Variants in PHACTR1 observed in about 807,000 individuals in gnomAD.
PHACTR1 encodes the protein phosphatase and actin regulator 1.
A neutral mutation model predicts 69.2 loss-of-function variants in PHACTR1; 16 were observed. The ratio of observed to expected loss-of-function variants is 0.23; its 90% CI spans 0.16 to 0.35. PHACTR1 has a LOEUF of 0.35. Among genes scored for constraint, PHACTR1 ranks in the 10% least tolerant of loss-of-function variants. The pLI is 1.00. For synonymous variants in PHACTR1, 312 were observed against 284.5 expected, an observed-to-expected ratio of 1.10 and a Z score of -0.97; for missense variants, 510 against 734.7, an observed-to-expected ratio of 0.69 and a Z score of 3.54.
At chr6:13,252,615 T>TAAAAA (rs200936005) in intron 10 of PHACTR1, among the ~76,000 whole-genome samples, 25 of 145,910 alleles carry the variant, frequency 1.7e-4, no homozygotes, top group Admixed American at 5.4e-4. Context: ...CTGCTGTTAT[T>TAAAAA]AAAAAAAAAA....
intron 4 of PHACTR1, among the ~76,000 whole-genome samples, chr6:12,858,163 C>A (rs977939804): frequency 6.6e-6 from 1 of 152,078 alleles, no homozygotes; most frequent in African/African-American, 2.4e-5. Flanking sequence ...GCTGGGAAGG[C>A]CTTTAAGGGA....
intron 4 of PHACTR1, among the ~76,000 whole-genome samples, chr6:13,018,052 A>G (rs1800435164): frequency 6.6e-6 from 1 of 152,190 alleles, no homozygotes; most frequent in African/African-American, 2.4e-5. Flanking sequence ...TAGGGATTAG[A>G]AACATTTAGC....
intron 5 of PHACTR1, among the ~76,000 whole-genome samples, chr6:13,118,400 G>T (rs1818129775): frequency 6.6e-6 from 1 of 151,142 alleles, no homozygotes; most frequent in Admixed American, 6.6e-5. Flanking sequence ...AAGTCCTGCT[G>T]TCTTATTAGA....
At chr6:12,974,425 T>C (rs1453375628) in intron 4 of PHACTR1, among the ~76,000 whole-genome samples, 1 of 152,222 alleles carries the variant, frequency 6.6e-6, no homozygotes, top group African/African-American at 2.4e-5. Flanking sequence ...GACAGGCTTC[T>C]GCTAGAAGTA....
At chr6:12,737,640 G>T (rs775168568) in intron 3 of PHACTR1, among the ~76,000 whole-genome samples, 2 of 150,496 alleles carry the variant, frequency 1.3e-5, no homozygotes, top group Non-Finnish European at 3.0e-5. Context: ...TGTCACTCAG[G>T]CTGGAATGCA....
At chr6:13,099,413 G>A (rs1013432347) in intron 5 of PHACTR1, among the ~76,000 whole-genome samples, 1 of 152,236 alleles carries the variant, frequency 6.6e-6, no homozygotes, top group Non-Finnish European at 1.5e-5. Flanking sequence ...CAGTGAGTGA[G>A]TGATGAATAG....
chr6:12,889,985 T>A (rs1194829066), intron 4 of PHACTR1, among the ~76,000 whole-genome samples: 1 of 151,420 alleles, frequency 6.6e-6, no homozygotes, highest in Non-Finnish European at 1.5e-5. Context: ...AACACAGGGG[T>A]CCCCAACCCC....
At position 12,845,429 on chromosome 6, in the gene PHACTR1, A is replaced by ACACCCCCCCCCC. The variant is rs1420703977; in HGVS notation, c.250+95640_250+95641insACCCCCCCCCCC. Among the ~76,000 whole-genome samples the ACACCCCCCCCCC allele has an allele frequency of 2.2e-4, 4 of 18,028 alleles. 1 individual carries two copies. The highest frequency in any genetic ancestry group is 3.9e-4 in the Non-Finnish European group (4 of 10,132). The allele number at this position is 18,028 out of a possible 152,430, so 11.8% of individuals were successfully genotyped here. ...CAAGATGTCATTGTGAACACCACCC[A>ACACCCCCCCCCC]CCCCCCCCCCCCCCGCCCTCCGTGC... On this transcript the variant is annotated intron_variant, in intron 4 of 14. Transcript: ENST00000332995.
intron 5 of PHACTR1, among the ~76,000 whole-genome samples, chr6:13,159,894 C>T (rs1345903695): frequency 3.3e-5 from 5 of 151,998 alleles, no homozygotes; most frequent in East Asian, 1.9e-4. Flanking sequence ...GAGCTGAGAT[C>T]GCGCCACTGT....
chr6:13,118,276 G>A (rs941120777), intron 5 of PHACTR1, among the ~76,000 whole-genome samples: 6 of 152,150 alleles, frequency 3.9e-5, no homozygotes, highest in African/African-American at 4.8e-5. Flanking sequence ...ATGTGAAGAC[G>A]GCAGTTGTTC....
chr6:13,281,222 G>T, intron 12 of PHACTR1: 1 of 1,029,020 alleles, frequency 9.7e-7, no homozygotes, highest in Non-Finnish European at 1.3e-6. Context: ...GAAAGTCAGG[G>T]CTTAACAACT....
At chr6:12,994,804 T>G (rs931227803) in intron 4 of PHACTR1, among the ~76,000 whole-genome samples, 16 of 152,096 alleles carry the variant, frequency 1.1e-4, no homozygotes, top group African/African-American at 3.9e-4. Context: ...AGTTGGAAAT[T>G]GTTATGTCTG....
At position 13,184,366 on chromosome 6, in the gene PHACTR1, C is replaced by T. The variant is rs527655170; in HGVS notation, c.664+1680C>T. On this transcript the variant is annotated intron_variant, in intron 7 of 14. Transcript: ENST00000332995. ...CCCTCAGCAAAGGGCAAGCAGGCCC[C>T]AGCGAGGCTGCTGGCATTCAGTTCT... Among the ~76,000 whole-genome samples the T allele has an allele frequency of 3.3e-5, 5 of 152,256 alleles. No individual in the cohort carries two copies. The East Asian group carries it at 9.7e-4, about 29-fold the overall frequency.
intron 3 of PHACTR1, among the ~76,000 whole-genome samples, chr6:12,737,336 C>G (rs1764400920): frequency 6.6e-6 from 1 of 151,958 alleles, no homozygotes; most frequent in Non-Finnish European, 1.5e-5. Flanking sequence ...TGTGATCCAT[C>G]ATTGACCAAA....
At chr6:13,210,911 C>CTTTTTT (rs56769825) in intron 8 of PHACTR1, among the ~76,000 whole-genome samples, 537 of 72,750 alleles carry the variant, frequency 7.4e-3, no homozygotes, top group Middle Eastern at 0.029. Flanking sequence ...TTTATCATTT[C>CTTTTTT]TTTTTTTTTT....
At chr6:13,184,111 G>A (rs1193967242) in intron 7 of PHACTR1, among the ~76,000 whole-genome samples, 3 of 152,246 alleles carry the variant, frequency 2.0e-5, no homozygotes, top group Admixed American at 6.5e-5. Context: ...GCTGGTGGGG[G>A]CAGGATGCTG....
chr6:13,045,094 A>T (rs1209751442), intron 4 of PHACTR1, among the ~76,000 whole-genome samples: 1 of 152,178 alleles, frequency 6.6e-6, no homozygotes, highest in Non-Finnish European at 1.5e-5. Context: ...TAATACAAAG[A>T]TTCAAAAAGC....
chr6:12,990,885 A>G (rs1306520817), intron 4 of PHACTR1, among the ~76,000 whole-genome samples: 2 of 152,136 alleles, frequency 1.3e-5, no homozygotes, highest in Non-Finnish European at 2.9e-5. Context: ...AAGTCATGCC[A>G]TCTAAAGTTA....
intron 4 of PHACTR1, among the ~76,000 whole-genome samples, chr6:12,806,992 A>AT (rs1195182419): frequency 4.6e-5 from 7 of 152,076 alleles, no homozygotes; most frequent in African/African-American, 1.7e-4. Context: ...TTATGATGAC[A>AT]TTTTTTTCAA....
Sources: gnomAD v4.1 joint callset for allele counts (sites outside exome capture counted in the v4.1 genomes callset) on GRCh38, gnomAD v4.1.1 for gene constraint, MANE v1.5 for transcripts, NCBI Gene and HGNC (gene_info 2026-07-23, HGNC 2026-07-21) for gene names.